OSBPL3: variants seen among roughly 807,000 people sequenced by gnomAD.
OSBPL3 encodes oxysterol binding protein like 3.
OSBPL3 carries 65 observed loss-of-function variants against 120.1 expected under a neutral mutation model. The observed-to-expected ratio is 0.54, with a 90% CI of 0.44 to 0.67. The LOEUF is 0.67. Among genes scored for constraint, OSBPL3 ranks in the 30% least tolerant of loss-of-function variants. The probability of loss-of-function intolerance (pLI) is 0.00; values close to 1 mark genes in which losing one functional copy is unlikely to be tolerated. For synonymous variants in OSBPL3, 416 were observed against 402.6 expected, an observed-to-expected ratio of 1.03 and a Z score of -0.40; for missense variants, 1,004 against 1,082.1, an observed-to-expected ratio of 0.93 and a Z score of 1.01.
chr7:24,979,920 C>A lies in OSBPL3; in HGVS notation c.-184G>T, dbSNP rs995936887. The A allele has an allele frequency of 1.6e-5, 16 of 972,586 alleles. No individual in the cohort carries two copies. Among genetic ancestry groups the A allele is most frequent in the Non-Finnish European group, 1.9e-5 (16 of 823,578 alleles). 60.2% of individuals were successfully genotyped at this position (972,586 alleles called of 1,614,324 possible). ...GTGCAGCCGGAGACGCTCCCTAGTTCCCCGGGGCCGGGCTCCGGGGTTAGC... is the reference window on the plus strand; with the variant it reads ...GTGCAGCCGGAGACGCTCCCTAGTTACCCGGGGCCGGGCTCCGGGGTTAGC... On this transcript the variant is annotated 5_prime_UTR_variant, in exon 1 of 23. Coordinates refer to ENST00000313367, the MANE Select transcript of OSBPL3 (RefSeq NM_015550.4).
chr7:24,815,353 C>A lies in OSBPL3; in HGVS notation c.2028-150G>T, dbSNP rs186737881. ...ACACTGGCTAAGTGTCTATGTCACA[C>A]TGGATGTTCTAGGAGCTTCCACTCT... On this transcript the variant is annotated intron_variant, in intron 18 of 22. Coordinates refer to ENST00000313367, the MANE Select transcript of OSBPL3 (RefSeq NM_015550.4). The surrounding 1 kb of genome is among the most constrained non-coding windows in gnomAD (Gnocchi z 5.1). The A allele has an allele frequency of 1.8e-5, 12 of 653,842 alleles. No individual in the cohort carries two copies. The highest frequency in any genetic ancestry group is 1.1e-4 in the East Asian group (4 of 36,718). The allele number at this position is 653,842 out of a possible 1,614,324, so 40.5% of individuals were successfully genotyped here. A position where few individuals can be genotyped will look rare whatever the true frequency, so the allele number is the denominator to read the frequency against.
In OSBPL3 at chr7:24,956,567, C is replaced by T. The variant is rs545644904; in HGVS notation, c.-150+23319G>A. ...CAAATGGCCATCTTCCTTTGTCTTACGCACATGAGGCATATATACATCTAT... is the reference window on the plus strand; with the variant it reads ...CAAATGGCCATCTTCCTTTGTCTTATGCACATGAGGCATATATACATCTAT... On this transcript the variant is annotated intron_variant, in intron 1 of 22. Coordinates refer to ENST00000313367, the MANE Select transcript of OSBPL3 (RefSeq NM_015550.4). Among the ~76,000 whole-genome samples the T allele has an allele frequency of 5.3e-5, 8 of 152,270 alleles. No individual in the cohort carries two copies. In the East Asian group the frequency reaches 5.8e-4, roughly 11 times the overall value.
rs1811600079 is a variant in OSBPL3, at chr7:24,930,067, T to C, written c.-149-37446A>G. Reference sequence around the variant, plus strand: ...TAATGATAAAGGAAGGAAAATATCATACATTCTTTATGAGAAAACTTTAGG... The same window carrying C: ...TAATGATAAAGGAAGGAAAATATCACACATTCTTTATGAGAAAACTTTAGG... On this transcript the variant is annotated intron_variant, in intron 1 of 22. Coordinates refer to ENST00000313367, the MANE Select transcript of OSBPL3 (RefSeq NM_015550.4). The surrounding 1 kb of genome is among the most constrained non-coding windows in gnomAD (Gnocchi z 4.4). 6.6e-6 allele frequency among the ~76,000 whole-genome samples: 1 copy of C among 152,192 alleles called. No individual in the cohort carries two copies. The highest frequency in any genetic ancestry group is 2.1e-4 in the South Asian group (1 of 4,828).
intron 1 of OSBPL3, among the ~76,000 whole-genome samples, chr7:24,923,377 C>G (rs1810642870): frequency 1.3e-5 from 2 of 152,198 alleles, no homozygotes; most frequent in Non-Finnish European, 2.9e-5. Context: ...CAAAGGGTAG[C>G]CACTGTGCTG....
chr7:24,891,939 T>A lies in OSBPL3; in HGVS notation c.96+438A>T, dbSNP rs1411740944. Among the ~76,000 whole-genome samples, 1 of 152,174 alleles carries A rather than the reference T, an allele frequency of 6.6e-6. No individual in the cohort carries two copies. Among genetic ancestry groups the A allele is most frequent in the African/African-American group, 2.4e-5 (1 of 41,448 alleles). ...AAGGGAAGAAAGTTGGGGTGGATAT[T>A]ATAATTACCAGAAAAATGATTGATT... On this transcript the variant is annotated intron_variant, in intron 2 of 22. Transcript: ENST00000313367. The surrounding 1 kb of genome is among the most constrained non-coding windows in gnomAD (Gnocchi z 4.1).
At chr7:24,826,639 G>A (rs963098742) in intron 16 of OSBPL3, among the ~76,000 whole-genome samples, 4 of 152,050 alleles carry the variant, frequency 2.6e-5, no homozygotes, top group African/African-American at 2.4e-5. Context: ...TGGTTTTCTC[G>A]CCTGTAACTG....
intron 1 of OSBPL3, among the ~76,000 whole-genome samples, chr7:24,958,283 T>C (rs574642133): frequency 1.8e-4 from 27 of 152,292 alleles, no homozygotes; most frequent in Non-Finnish European, 3.1e-4. Flanking sequence ...TAGTAAAAAA[T>C]GCTATCTCCA....
At chr7:24,880,006 T>C (rs1803425015) in intron 2 of OSBPL3, among the ~76,000 whole-genome samples, 1 of 152,102 alleles carries the variant, frequency 6.6e-6, no homozygotes, top group African/African-American at 2.4e-5. Context: ...GTAAGCAGGG[T>C]CTCTTAGACT....
chr7:24,890,573 G>A (rs571298640), intron 2 of OSBPL3, among the ~76,000 whole-genome samples: 29 of 152,234 alleles, frequency 1.9e-4, no homozygotes, highest in Non-Finnish European at 3.1e-4. Flanking sequence ...GAAAGCAGAC[G>A]GACCAAGAAA....
At chr7:24,841,940 G>T (rs1206423724) in intron 13 of OSBPL3, among the ~76,000 whole-genome samples, 1 of 151,672 alleles carries the variant, frequency 6.6e-6, no homozygotes, top group Admixed American at 6.6e-5. Context: ...TTGAACCTGG[G>T]AGCCGGAGGT....
intron 1 of OSBPL3, among the ~76,000 whole-genome samples, chr7:24,957,646 A>C (rs1168095683): frequency 6.6e-6 from 1 of 152,214 alleles, no homozygotes; most frequent in Non-Finnish European, 1.5e-5. Flanking sequence ...TATTTTGCTT[A>C]AATTCCTGAG....
At chr7:24,915,195 A>G (rs979553526) in intron 1 of OSBPL3, among the ~76,000 whole-genome samples, 1 of 152,190 alleles carries the variant, frequency 6.6e-6, no homozygotes, top group Non-Finnish European at 1.5e-5. Flanking sequence ...GGCCTGCTGG[A>G]AAGTTGTTAA....
At chr7:24,973,836 A>C (rs1817287821) in intron 1 of OSBPL3, among the ~76,000 whole-genome samples, 1 of 152,196 alleles carries the variant, frequency 6.6e-6, no homozygotes, top group Non-Finnish European at 1.5e-5. Flanking sequence ...AAAAAAGATG[A>C]CTTTGATATT....
chr7:24,830,092 G>A lies in OSBPL3; in HGVS notation c.1884+676C>T, dbSNP rs1333394027. ...TATCATGCTAGTAAGAGGTAGAACT[G>A]AGGTAGGACGGATCCTGGGCTGTCT... On this transcript the variant is annotated intron_variant, in intron 16 of 22. Coordinates refer to ENST00000313367, the MANE Select transcript of OSBPL3 (RefSeq NM_015550.4). This position sits in a 1 kb window ranked among gnomAD's most constrained non-coding sequence, Gnocchi z 4.4. Among the ~76,000 whole-genome samples the A allele has an allele frequency of 6.6e-6, 1 of 152,180 alleles. No individual in the cohort carries two copies. Among genetic ancestry groups the A allele is most frequent in the African/African-American group, 2.4e-5 (1 of 41,444 alleles).
chr7:24,975,256 TCTC>T (rs1325547968), intron 1 of OSBPL3, among the ~76,000 whole-genome samples: 5 of 152,194 alleles, frequency 3.3e-5, no homozygotes, highest in African/African-American at 1.2e-4. Flanking sequence ...GAATTTGAGA[TCTC>T]CTTGCAATAT....
At chr7:24,961,345 GTTGAAATTAACC>G (rs1815715342) in intron 1 of OSBPL3, among the ~76,000 whole-genome samples, 1 of 152,142 alleles carries the variant, frequency 6.6e-6, no homozygotes, top group Non-Finnish European at 1.5e-5. Context: ...GCCACATCTA[GTTGAAATTAACC>G]TTGAAATTAA....
chr7:24,841,138 A>T (rs995214442), intron 13 of OSBPL3, among the ~76,000 whole-genome samples: 2 of 152,306 alleles, frequency 1.3e-5, no homozygotes, highest in East Asian at 3.9e-4. Context: ...AGTATCTTCT[A>T]TGGGAATTAA....
In OSBPL3 at chr7:24,872,522, T is replaced by C. The variant is rs1167697518; in HGVS notation, c.97-453A>G. On this transcript the variant is annotated intron_variant, in intron 2 of 22. Transcript: ENST00000313367. The surrounding 1 kb of genome is among the most constrained non-coding windows in gnomAD (Gnocchi z 4.1). ...GAAGGAAGTTGGTTTAAGAATTGGC[T>C]GAACAGTATGAGACAATGCAAATCA... 2.0e-5 allele frequency among the ~76,000 whole-genome samples: 3 copies of C among 151,308 alleles called. No individual in the cohort carries two copies. Among genetic ancestry groups the C allele is most frequent in the Non-Finnish European group, 4.4e-5 (3 of 67,872 alleles).
intron 14 of OSBPL3, among the ~76,000 whole-genome samples, chr7:24,839,601 G>A (rs1369739053): frequency 6.6e-6 from 1 of 152,078 alleles, no homozygotes; most frequent in Non-Finnish European, 1.5e-5. Context: ...TATTATGTAA[G>A]TCCTATCACA....
Sources: allele counts gnomAD v4.1 joint callset (sites outside exome capture counted in the v4.1 genomes callset), GRCh38; gene constraint gnomAD v4.1.1; non-coding constraint Gnocchi (gnomAD v3.1); transcripts MANE v1.5; gene names NCBI Gene and HGNC (gene_info 2026-07-23, HGNC 2026-07-21).